The following KIF16B variants were observed in gnomAD, a reference collection of about 807,000 sequenced individuals.
The protein encoded by KIF16B is kinesin-like protein KIF16B.
KIF16B carries 98 observed loss-of-function variants against 156.3 expected under a neutral mutation model. The observed-to-expected ratio is 0.63, with a 90% CI of 0.53 to 0.74. The LOEUF (loss-of-function observed/expected upper bound fraction) is 0.74, where lower values mean the gene tolerates loss of function less well. Among genes scored for constraint, KIF16B ranks in the 30% least tolerant of loss-of-function variants. The probability of loss-of-function intolerance (pLI) is 0.00; values close to 1 mark genes in which losing one functional copy is unlikely to be tolerated. For missense variants in KIF16B, 1,421 were observed against 1,606.5 expected (o/e 0.88, Z 1.97); for synonymous variants, 564 against 583.7 (o/e 0.97, Z 0.49).
At chr20:16,403,731 C>T (rs995755752) in intron 17 of KIF16B, among the ~76,000 whole-genome samples, 1 of 152,146 alleles carries the variant, frequency 6.6e-6, no homozygotes, top group African/African-American at 2.4e-5. Context: ...ATCAAAGATC[C>T]CTCCTATGAC....
At chr20:16,421,971 G>A (rs1264044054) in intron 15 of KIF16B, among the ~76,000 whole-genome samples, 6 of 152,052 alleles carry the variant, frequency 3.9e-5, no homozygotes, top group South Asian at 2.1e-4. Context: ...AGTACTGTCC[G>A]AGGAAAAGTC....
chr20:16,313,369 C>T, intron 24 of KIF16B, among the ~76,000 whole-genome samples: 1 of 152,110 alleles, frequency 6.6e-6, no homozygotes, highest in East Asian at 1.9e-4. Context: ...ATTTATATTG[C>T]CACAGTGGGA....
intron 25 of KIF16B, among the ~76,000 whole-genome samples, chr20:16,273,784 T>C (rs1250976089): frequency 2.0e-5 from 3 of 152,184 alleles, no homozygotes. Flanking sequence ...GAAAGTGCTA[T>C]CATTGTCATT....
intron 22 of KIF16B, among the ~76,000 whole-genome samples, chr20:16,365,910 A>G (rs765521520): frequency 4.6e-5 from 7 of 152,106 alleles, no homozygotes; most frequent in Non-Finnish European, 1.0e-4. Flanking sequence ...CTGAGAGTGG[A>G]TGGAGGGTGG....
chr20:16,283,415 G>A (rs893429948), intron 25 of KIF16B, among the ~76,000 whole-genome samples: 1 of 152,052 alleles, frequency 6.6e-6, no homozygotes, highest in African/African-American at 2.4e-5. Context: ...TTCCCAGACT[G>A]AGACTCTACT....
chr20:16,429,301 G>T (rs575386222), intron 13 of KIF16B, among the ~76,000 whole-genome samples: 8 of 152,126 alleles, frequency 5.3e-5, no homozygotes, highest in Non-Finnish European at 1.0e-4. Context: ...CAGTGGCCAA[G>T]AGATTCTTTG....
At chr20:16,531,820 A>G (rs2069760363) in intron 1 of KIF16B, among the ~76,000 whole-genome samples, 1 of 152,084 alleles carries the variant, frequency 6.6e-6, no homozygotes, top group Non-Finnish European at 1.5e-5. Flanking sequence ...GAAAATTATA[A>G]CCATTTGGGA....
chr20:16,467,338 C>G (rs2067520793), intron 12 of KIF16B, among the ~76,000 whole-genome samples: 1 of 152,142 alleles, frequency 6.6e-6, no homozygotes, highest in South Asian at 2.1e-4. Flanking sequence ...GGCCTGTTTA[C>G]CACAGCTCCT....
At chr20:16,294,510 G>A (rs955715527) in intron 25 of KIF16B, among the ~76,000 whole-genome samples, 3 of 152,178 alleles carry the variant, frequency 2.0e-5, no homozygotes, top group East Asian at 3.9e-4. Context: ...CTTCTGAATC[G>A]TTCCCATGCA....
intron 12 of KIF16B, among the ~76,000 whole-genome samples, chr20:16,491,693 T>C (rs1486522142): frequency 2.0e-5 from 3 of 151,970 alleles, no homozygotes; most frequent in African/African-American, 4.8e-5. Flanking sequence ...AAGTTCTGAG[T>C]TCTGCAGATC....
intron 23 of KIF16B, among the ~76,000 whole-genome samples, chr20:16,347,905 C>A (rs1017356010): frequency 1.3e-5 from 2 of 152,178 alleles, no homozygotes; most frequent in African/African-American, 4.8e-5. Context: ...AAAGATGTAT[C>A]TGTACAGAGT....
intron 25 of KIF16B, among the ~76,000 whole-genome samples, chr20:16,288,836 AT>A (rs1249779594): frequency 6.6e-6 from 1 of 152,182 alleles, no homozygotes; most frequent in Non-Finnish European, 1.5e-5. Flanking sequence ...TTGGGATCCC[AT>A]CATAAGTGGA....
At position 16,371,646 on chromosome 20, in the gene KIF16B, C is replaced by A; in HGVS notation, c.3447+19G>T. ...TGAACGAACTTGTTACTTCGTGTTA[C>A]TTGGCTCCTTCAGCTTACCTTCATC... On this transcript the variant is annotated intron_variant, in intron 21 of 25. Coordinates refer to ENST00000354981, the MANE Select transcript of KIF16B (RefSeq NM_024704.5). 9 of 1,351,744 alleles carry A rather than the reference C, an allele frequency of 6.7e-6. No homozygotes were observed. The highest frequency in any genetic ancestry group is 9.5e-6 in the Non-Finnish European group (9 of 950,032). The allele number at this position is 1,351,744 out of a possible 1,614,324, so 83.7% of individuals were successfully genotyped here.
intron 3 of KIF16B, among the ~76,000 whole-genome samples, chr20:16,524,647 G>A (rs1351882335): frequency 3.3e-5 from 5 of 152,088 alleles, no homozygotes; most frequent in African/African-American, 4.8e-5. Context: ...AACCAGAAAT[G>A]CCATTTGACC....
At chr20:16,291,493 C>T (rs552875773) in intron 25 of KIF16B, among the ~76,000 whole-genome samples, 10 of 152,130 alleles carry the variant, frequency 6.6e-5, no homozygotes, top group Non-Finnish European at 1.0e-4. Context: ...ACTTTTAGGA[C>T]GAGTGACTTT....
chr20:16,516,196 C>T (rs116763142), intron 3 of KIF16B, among the ~76,000 whole-genome samples: 130 of 152,246 alleles, frequency 8.5e-4, no homozygotes, highest in African/African-American at 3.1e-3. Flanking sequence ...GGATGGGGTG[C>T]TGGGCTCCCC....
At position 16,452,834 on chromosome 20, in the gene KIF16B, C is replaced by CA. The variant is rs1211764269; in HGVS notation, c.1303-22853dup. 1.9e-3 allele frequency among the ~76,000 whole-genome samples: 147 copies of CA among 78,938 alleles called. 1 individual carries two copies. Among genetic ancestry groups the CA allele is most frequent in the Admixed American group, 2.8e-3 (18 of 6,522 alleles). 51.8% of individuals were successfully genotyped at this position (78,938 alleles called of 152,430 possible). On this transcript the variant is annotated intron_variant, in intron 12 of 25. Coordinates refer to ENST00000354981, the MANE Select transcript of KIF16B (RefSeq NM_024704.5). Reference sequence around the variant, plus strand: ...TGGGCAACAGAGTGAGACTCCGTCTCAAAAAAAAAAAAGAAAGAAAAAAAG... The same window carrying CA: ...TGGGCAACAGAGTGAGACTCCGTCTCAAAAAAAAAAAAAGAAAGAAAAAAAG...
chr20:16,315,955 C>A (rs1385576675), intron 24 of KIF16B, among the ~76,000 whole-genome samples: 6 of 152,120 alleles, frequency 3.9e-5, no homozygotes, highest in Non-Finnish European at 1.5e-5. Context: ...AAAACATGCC[C>A]CCATTAATAT....
chr20:16,561,219 G>A (rs1024775119), intron 1 of KIF16B, among the ~76,000 whole-genome samples: 3 of 152,060 alleles, frequency 2.0e-5, no homozygotes, highest in Non-Finnish European at 2.9e-5. Context: ...GCTTGAACCC[G>A]GGAGGTGGAG....
Sources: allele counts gnomAD v4.1 joint callset (sites outside exome capture counted in the v4.1 genomes callset), GRCh38; gene constraint gnomAD v4.1.1; transcripts MANE v1.5; gene names NCBI Gene and HGNC (gene_info 2026-07-23, HGNC 2026-07-21).